Variants in RARB observed in about 807,000 individuals in gnomAD.
The protein encoded by RARB is HBV-activated protein.
In RARB, 17 loss-of-function variants were observed where a neutral mutation model predicts 51.9. The ratio of observed to expected loss-of-function variants is 0.33; its 90% CI spans 0.22 to 0.49. The LOEUF (loss-of-function observed/expected upper bound fraction) is 0.49, where lower values mean the gene tolerates loss of function less well. Among genes scored for constraint, RARB ranks in the 20% least tolerant of loss-of-function variants. The pLI is 0.99. For missense variants in RARB, 369 were observed against 550.8 expected (o/e 0.67, Z 3.30); for synonymous variants, 215 against 195.4 (o/e 1.10, Z -0.84).
chr3:25,585,586 C>T (rs925893876), intron 5 of RARB, among the ~76,000 whole-genome samples: 2 of 152,188 alleles, frequency 1.3e-5, no homozygotes, highest in African/African-American at 4.8e-5. Context: ...GTTTTCATAT[C>T]AGCCCCGTGG....
rs77934714 is a variant in RARB, at chr3:25,273,162, C to T, written c.178+98587C>T. 7.3e-3 allele frequency among the ~76,000 whole-genome samples: 1,109 copies of T among 152,170 alleles called. 16 individuals are homozygous for T. The highest frequency in any genetic ancestry group is 0.025 in the African/African-American group (1,040 of 41,496). ...TCTAAACACTGAGTTTAGAGTCCAG[C>T]GGAATATTTAGCTGCTTCTATGTGG... On this transcript the variant is annotated intron_variant, in intron 5 of 11. Coordinates refer to the RARB transcript ENST00000383772.
chr3:25,246,518 T>C (rs1022215705), intron 5 of RARB, among the ~76,000 whole-genome samples: 3 of 152,156 alleles, frequency 2.0e-5, no homozygotes, highest in African/African-American at 7.2e-5. Flanking sequence ...GTTGTCCTTT[T>C]TGTTGATATT....
Position 25,233,052 on chromosome 3 carries a change from T to G in RARB, c.178+58477T>G, listed in dbSNP as rs138663996. ...GTGCAGTGGTGCAATCTCAGCTTACTGCAACCTCTGTCTTCTGGGTTCCAG... is the reference window on the plus strand; with the variant it reads ...GTGCAGTGGTGCAATCTCAGCTTACGGCAACCTCTGTCTTCTGGGTTCCAG... On this transcript the variant is annotated intron_variant, in intron 5 of 11. Coordinates refer to the RARB transcript ENST00000383772. Among the ~76,000 whole-genome samples the G allele has an allele frequency of 4.4e-3, 646 of 148,302 alleles. 8 individuals carry two copies. Among genetic ancestry groups the G allele is most frequent in the African/African-American group, 0.015 (599 of 40,272 alleles).
chr3:24,987,298 A>G (rs933881991), intron 2 of RARB, among the ~76,000 whole-genome samples: 2 of 152,164 alleles, frequency 1.3e-5, no homozygotes, highest in Non-Finnish European at 2.9e-5. Context: ...TTTCAAGGTA[A>G]AGACACAATT....
intron 3 of RARB, among the ~76,000 whole-genome samples, chr3:25,119,790 A>C (rs1012379365): frequency 5.3e-5 from 8 of 152,170 alleles, no homozygotes. Context: ...TGGACTTTCT[A>C]ATAGACTATA....
At chr3:25,318,047 A>G (rs1424686018) in intron 5 of RARB, among the ~76,000 whole-genome samples, 2 of 152,234 alleles carry the variant, frequency 1.3e-5, no homozygotes, top group Non-Finnish European at 2.9e-5. Flanking sequence ...AAAAAGTTTC[A>G]ACTGAGCATG....
At chr3:25,392,518 A>G (rs936303144) in intron 5 of RARB, among the ~76,000 whole-genome samples, 12 of 152,178 alleles carry the variant, frequency 7.9e-5, no homozygotes, top group Non-Finnish European at 1.6e-4. Context: ...CTATCCATCC[A>G]TGAGCCTGGG....
At chr3:25,494,273 A>G (rs934945276) in intron 2 of RARB, among the ~76,000 whole-genome samples, 5 of 135,154 alleles carry the variant, frequency 3.7e-5, no homozygotes, top group Admixed American at 3.0e-4. Flanking sequence ...ACACACACAC[A>G]CACACATGCC....
At chr3:25,283,723 C>T (rs2125417178) in intron 5 of RARB, among the ~76,000 whole-genome samples, 1 of 152,298 alleles carries the variant, frequency 6.6e-6, no homozygotes, top group African/African-American at 2.4e-5. Flanking sequence ...TGGATTATTC[C>T]ATCATCAGGA....
At chr3:25,244,750 T>C (rs1291801016) in intron 5 of RARB, among the ~76,000 whole-genome samples, 1 of 152,250 alleles carries the variant, frequency 6.6e-6, no homozygotes, top group East Asian at 1.9e-4. Flanking sequence ...TCGATTTTAG[T>C]ATAAGTGCTA....
At chr3:24,976,768 G>T (rs778881065) in intron 2 of RARB, among the ~76,000 whole-genome samples, 11 of 152,268 alleles carry the variant, frequency 7.2e-5, no homozygotes, top group Non-Finnish European at 1.3e-4. Context: ...AGTTTAATTA[G>T]ATCCCATTTG....
chr3:25,051,348 G>C (rs1698328738), intron 2 of RARB, among the ~76,000 whole-genome samples: 1 of 152,028 alleles, frequency 6.6e-6, no homozygotes, highest in Non-Finnish European at 1.5e-5. Flanking sequence ...GATAGGCCCT[G>C]ACCTGAGGAT....
chr3:25,576,255 C>T (rs1700924015), intron 4 of RARB, among the ~76,000 whole-genome samples: 1 of 152,120 alleles, frequency 6.6e-6, no homozygotes, highest in Non-Finnish European at 1.5e-5. Context: ...AGTTTCTAGT[C>T]ATGAGAAAAA....
rs184151484 is a variant in RARB, at chr3:25,397,902, C to A, written c.179-63291C>A. Among the ~76,000 whole-genome samples, 3 of 147,764 alleles carry A rather than the reference C, an allele frequency of 2.0e-5. No individual in the cohort carries two copies. In the Admixed American group the frequency reaches 2.0e-4, roughly 10 times the overall value. ...GTTTTGATTAGAAAAAAAAAAAATT[C>A]TTACATACATTTCAAGGGCTGGTCT... On this transcript the variant is annotated intron_variant, in intron 5 of 11. Coordinates refer to the RARB transcript ENST00000383772.
intron 2 of RARB, among the ~76,000 whole-genome samples, chr3:24,921,361 A>G (rs542495660): frequency 1.3e-5 from 2 of 152,332 alleles, no homozygotes; most frequent in South Asian, 4.2e-4. Flanking sequence ...TGGAGTGACT[A>G]GAAGAAAGCA....
chr3:25,319,103 G>T (rs1281218393), intron 5 of RARB, among the ~76,000 whole-genome samples: 1 of 152,160 alleles, frequency 6.6e-6, no homozygotes, highest in Non-Finnish European at 1.5e-5. Flanking sequence ...TCTCAGACCT[G>T]AGGAGATGAA....
chr3:25,193,017 A>C (rs552804859), intron 5 of RARB, among the ~76,000 whole-genome samples: 2 of 152,064 alleles, frequency 1.3e-5, no homozygotes, highest in Non-Finnish European at 2.9e-5. Context: ...AGGTGGAAAA[A>C]GCAAGAGGCA....
chr3:25,371,379 G>A (rs902175997), intron 5 of RARB, among the ~76,000 whole-genome samples: 3 of 152,202 alleles, frequency 2.0e-5, no homozygotes, highest in Non-Finnish European at 2.9e-5. Context: ...CAAATCATAA[G>A]CAAGAAATAG....
intron 2 of RARB, among the ~76,000 whole-genome samples, chr3:25,003,194 C>CAAAAAAAAAAAA (rs565249387): frequency 2.2e-5 from 2 of 89,512 alleles, no homozygotes; most frequent in Non-Finnish European, 2.4e-5. Flanking sequence ...GATCATAATG[C>CAAAAAAAAAAAA]AAAAAAAAAA....
Sources: allele counts gnomAD v4.1 joint callset (sites outside exome capture counted in the v4.1 genomes callset), GRCh38; gene constraint gnomAD v4.1.1; transcripts MANE v1.5; gene names NCBI Gene and HGNC (gene_info 2026-07-23, HGNC 2026-07-21).